LAMA1: variants seen among roughly 807,000 people sequenced by gnomAD.
The protein encoded by LAMA1 is laminin subunit alpha 1, also known as laminin subunit alpha-1.
LAMA1 carries 219 observed loss-of-function variants against 348.7 expected under a neutral mutation model. That is an observed-to-expected ratio of 0.63 (90% CI 0.56 to 0.70). The LOEUF (loss-of-function observed/expected upper bound fraction) is 0.70. Among genes scored for constraint, LAMA1 ranks in the 30% least tolerant of loss-of-function variants. The pLI is 0.00. For synonymous variants in LAMA1, 1,487 were observed against 1,491.0 expected (o/e 1.00, Z 0.06); for missense variants, 3,744 against 3,888.0 (o/e 0.96, Z 0.99).
At chr18:7,035,850 G>C (rs1016526017) in intron 13 of LAMA1, 137 bp downstream of exon 13, 1 of 719,026 alleles carries the variant, frequency 1.4e-6, no homozygotes, top group Non-Finnish European at 2.5e-6. Context: ...TAGTCCCCAC[G>C]CAAGTCCAGG....
At chr18:7,057,224 T>C (rs1473622235) in intron 3 of LAMA1, among the ~76,000 whole-genome samples, 1 of 151,984 alleles carries the variant, frequency 6.6e-6, no homozygotes, top group East Asian at 1.9e-4. Flanking sequence ...TTCCCCCCAT[T>C]ACAGATGAGG....
intron 3 of LAMA1, among the ~76,000 whole-genome samples, chr18:7,075,766 C>T (rs550385528): frequency 3.9e-5 from 6 of 152,054 alleles, no homozygotes; most frequent in East Asian, 1.9e-4. Flanking sequence ...GATGAAACCA[C>T]GTCTCTACTA....
intron 48 of LAMA1, among the ~76,000 whole-genome samples, chr18:6,967,873 C>T (rs554714865): frequency 6.6e-6 from 1 of 152,120 alleles, no homozygotes; most frequent in Admixed American, 6.5e-5. Flanking sequence ...CTCAAGAACG[C>T]GGGGGCTCTG....
At chr18:6,987,641 A>G (rs1482329237) in intron 36 of LAMA1, among the ~76,000 whole-genome samples, 2 of 152,196 alleles carry the variant, frequency 1.3e-5, no homozygotes, top group Admixed American at 1.3e-4. Context: ...TGTCAGGACA[A>G]TTTTGAAAAA....
chr18:7,034,732 T>G, intron 13 of LAMA1, 42 bp from the exon 14 acceptor site: 1 of 1,550,300 alleles, frequency 6.5e-7, no homozygotes, highest in Non-Finnish European at 8.9e-7. Context: ...GTCATTCAAT[T>G]TAATGATAAA....
chr18:6,977,925 G>A, intron 43 of LAMA1, 44 bp from the exon 44 acceptor site: 1 of 1,597,136 alleles, frequency 6.3e-7, no homozygotes, highest in East Asian at 2.2e-5. Context: ...AAGTTGGGGA[G>A]AGGGAAAAAC....
chr18:7,074,562 T>G (rs2058159211), intron 3 of LAMA1, among the ~76,000 whole-genome samples: 1 of 152,236 alleles, frequency 6.6e-6, no homozygotes, highest in African/African-American at 2.4e-5. Flanking sequence ...GTGGTAGTAT[T>G]GATATATGAG....
At chr18:6,955,032 A>C in intron 57 of LAMA1, 1 of 388,288 alleles carries the variant, frequency 2.6e-6, no homozygotes, top group Non-Finnish European at 4.9e-6. Flanking sequence ...TTAAAGTGGA[A>C]TGGGGTTGAA....
intron 20 of LAMA1, 144 bp downstream of exon 20, chr18:7,017,134 T>C (rs749818046): frequency 1.3e-5 from 10 of 748,382 alleles, no homozygotes; most frequent in Non-Finnish European, 1.9e-5. Context: ...ACCTCCTTTG[T>C]TGATAAATTC....
intron 3 of LAMA1, among the ~76,000 whole-genome samples, chr18:7,069,272 C>T (rs939086532): frequency 2.6e-5 from 4 of 152,182 alleles, no homozygotes; most frequent in African/African-American, 9.7e-5. Context: ...CCATTGTTTT[C>T]ACTTATTCAG....
At chr18:6,983,464 A>T (rs1394012970) in intron 39 of LAMA1, among the ~76,000 whole-genome samples, 1 of 152,172 alleles carries the variant, frequency 6.6e-6, no homozygotes, top group South Asian at 2.1e-4. Context: ...TATTCAATCA[A>T]TACCCAAGAA....
chr18:6,959,994 C>T (rs535816299), intron 53 of LAMA1: 45 of 211,560 alleles, frequency 2.1e-4, no homozygotes, highest in African/African-American at 8.8e-4. Flanking sequence ...AGAATTGGAA[C>T]GTGAGTATCT....
At chr18:6,946,963 T>C (rs1307424126) in intron 61 of LAMA1, among the ~76,000 whole-genome samples, 200 bp downstream of exon 61, 1 of 152,230 alleles carries the variant, frequency 6.6e-6, no homozygotes, top group Non-Finnish European at 1.5e-5. Flanking sequence ...CTTTCAAACA[T>C]ATAAAAAGTT....
At chr18:6,944,988 T>A (rs918405524) in intron 61 of LAMA1, among the ~76,000 whole-genome samples, 5 of 152,204 alleles carry the variant, frequency 3.3e-5, no homozygotes, top group Admixed American at 1.3e-4. Flanking sequence ...AAATGTATAA[T>A]ACAACAGAAA....
chr18:6,981,923 C>T (rs1031881738), intron 41 of LAMA1, among the ~76,000 whole-genome samples: 2 of 152,210 alleles, frequency 1.3e-5, no homozygotes, highest in Non-Finnish European at 2.9e-5. Flanking sequence ...CCTGCTGCCA[C>T]TTTGGTTCAT....
intron 17 of LAMA1, among the ~76,000 whole-genome samples, chr18:7,025,124 C>T (rs988981572): frequency 1.3e-5 from 2 of 152,188 alleles, no homozygotes; most frequent in Non-Finnish European, 2.9e-5. Context: ...GTTAAACCAG[C>T]GAGAGACAGA....
chr18:7,015,095 A>G (rs1368862883), intron 22 of LAMA1, among the ~76,000 whole-genome samples: 3 of 152,020 alleles, frequency 2.0e-5, no homozygotes, highest in Non-Finnish European at 4.4e-5. Context: ...TGATCTGCCC[A>G]CCTCGGTCTC....
intron 57 of LAMA1, 29 bp from the exon 58 acceptor site, chr18:6,951,000 A>G (rs62081480): frequency 0.37 from 589,319 of 1,600,268 alleles, 114,198 homozygotes; most frequent in Non-Finnish European, 0.4. Context: ...CAGCGTTGAG[A>G]AAGGAAACTT....
intron 13 of LAMA1, 88 bp from the exon 14 acceptor site, chr18:7,034,778 G>A (rs1460122156): frequency 7.9e-7 from 1 of 1,270,330 alleles, no homozygotes; most frequent in Non-Finnish European, 1.1e-6. Flanking sequence ...TCAGCAACGT[G>A]GTTTTTCATT....
Sources: gnomAD v4.1 joint callset for allele counts (sites outside exome capture counted in the v4.1 genomes callset) on GRCh38, gnomAD v4.1.1 for gene constraint, MANE v1.5 for transcripts, NCBI Gene and HGNC (gene_info 2026-07-23, HGNC 2026-07-21) for gene names.